Variants in ROBO2 observed in about 807,000 individuals in gnomAD.
ROBO2 encodes roundabout guidance receptor 2.
In ROBO2, 53 loss-of-function variants were observed where a neutral mutation model predicts 160.8. The observed-to-expected ratio is 0.33, with a 90% confidence interval of 0.26 to 0.41. The LOEUF (loss-of-function observed/expected upper bound fraction) is 0.41, where lower values mean the gene tolerates loss of function less well. ROBO2 is among the 10% of genes least tolerant of loss of function. The pLI is 1.00. For synonymous variants in ROBO2, 664 were observed against 611.7 expected, an observed-to-expected ratio of 1.09 and a Z score of -1.26; for missense variants, 1,577 against 1,722.4, an observed-to-expected ratio of 0.92 and a Z score of 1.49.
chr3:76,578,101 G>T (rs181180349), intron 2 of ROBO2, among the ~76,000 whole-genome samples: 1 of 152,212 alleles, frequency 6.6e-6, no homozygotes, highest in Admixed American at 6.5e-5. Context: ...ACCAGCTTGG[G>T]AACTTAGACA....
chr3:76,112,440 A>G (rs1162550139), intron 2 of ROBO2, among the ~76,000 whole-genome samples: 3 of 152,016 alleles, frequency 2.0e-5, no homozygotes, highest in Non-Finnish European at 4.4e-5. Context: ...CTATAACTGA[A>G]TAATATTATC....
chr3:76,064,739 G>A (rs1380477749), intron 2 of ROBO2, among the ~76,000 whole-genome samples: 1 of 152,020 alleles, frequency 6.6e-6, no homozygotes, highest in Non-Finnish European at 1.5e-5. Context: ...GCACAATAGA[G>A]CTAAGATATT....
intron 2 of ROBO2, among the ~76,000 whole-genome samples, chr3:76,322,163 C>CATATATATATATATAT (rs1559761091): frequency 1.0e-4 from 4 of 40,166 alleles, no homozygotes; most frequent in Admixed American, 3.4e-4. Context: ...CTACTTCTTC[C>CATATATATATATATAT]GTATATATAT....
intron 2 of ROBO2, among the ~76,000 whole-genome samples, chr3:76,102,095 A>T (rs1449716034): frequency 6.7e-6 from 1 of 150,330 alleles, no homozygotes; most frequent in Admixed American, 6.6e-5. Context: ...TCCTGTGTCC[A>T]TGTGTTCCCA....
At position 76,654,612 on chromosome 3, in the gene ROBO2, G is replaced by A. The variant is rs142674645; in HGVS notation, c.110-443402G>A. On this transcript the variant is annotated intron_variant, in intron 2 of 26. Transcript: ENST00000487694. ...CTGTGTACAAGGCACCATTCGGCATGCTGGGGTAATAGGGACTTTCAAGGG... is the reference window on the plus strand; with the variant it reads ...CTGTGTACAAGGCACCATTCGGCATACTGGGGTAATAGGGACTTTCAAGGG... Among the ~76,000 whole-genome samples, 519 of 152,160 alleles carry A rather than the reference G, an allele frequency of 3.4e-3. 2 individuals are homozygous for A. The highest frequency in any genetic ancestry group is 0.012 in the African/African-American group (489 of 41,504).
chr3:76,042,007 CAA>C lies in ROBO2; in HGVS notation c.109+104406_109+104407del, dbSNP rs2067289261. On this transcript the variant is annotated intron_variant, in intron 2 of 26. Coordinates refer to the ROBO2 transcript ENST00000487694. ...GTGAGAGAGAGAGGGAGAGCGAGAG[CAA>C]GAGAGAGAGAGAGAGGTTAAAAAAA... 4.8e-5 allele frequency among the ~76,000 whole-genome samples: 6 copies of C among 124,736 alleles called. No homozygotes were observed. In the South Asian group the frequency reaches 1.7e-3, roughly 36 times the overall value. The allele number at this position is 124,736 out of a possible 152,430, so 81.8% of individuals were successfully genotyped here.
At chr3:77,019,970 GA>G (rs2062523366) in intron 2 of ROBO2, among the ~76,000 whole-genome samples, 1 of 152,112 alleles carries the variant, frequency 6.6e-6, no homozygotes, top group South Asian at 2.1e-4. Context: ...ACCTGGTAGT[GA>G]GGTGCCAAAG....
intron 2 of ROBO2, among the ~76,000 whole-genome samples, chr3:76,062,414 G>T (rs553632137): frequency 2.4e-4 from 37 of 152,200 alleles, no homozygotes; most frequent in African/African-American, 8.9e-4. Context: ...AATTACAGGT[G>T]TAAGAGTCCC....
chr3:76,252,885 C>A (rs903351220), intron 2 of ROBO2, among the ~76,000 whole-genome samples: 2 of 151,654 alleles, frequency 1.3e-5, no homozygotes, highest in Non-Finnish European at 2.9e-5. Context: ...GGCCTACAGG[C>A]TGGAAACTCG....
At chr3:77,363,951 T>A (rs529873406) in intron 2 of ROBO2, among the ~76,000 whole-genome samples, 9 of 152,270 alleles carry the variant, frequency 5.9e-5, no homozygotes, top group African/African-American at 9.6e-5. Flanking sequence ...GGCTTCTAAT[T>A]TCCTTTAGTT....
chr3:76,063,112 C>G (rs923319734), intron 2 of ROBO2, among the ~76,000 whole-genome samples: 1 of 152,166 alleles, frequency 6.6e-6, no homozygotes, highest in Non-Finnish European at 1.5e-5. Context: ...TACTCAAATA[C>G]TTAACCTATG....
At chr3:76,135,445 T>G (rs913972653) in intron 2 of ROBO2, among the ~76,000 whole-genome samples, 2 of 152,080 alleles carry the variant, frequency 1.3e-5, no homozygotes, top group Non-Finnish European at 2.9e-5. Context: ...AGAACTTGTG[T>G]GCTACTTTTG....
chr3:75,964,489 G>A (rs1389447565), intron 2 of ROBO2, among the ~76,000 whole-genome samples: 1 of 151,376 alleles, frequency 6.6e-6, no homozygotes, highest in African/African-American at 2.4e-5. Flanking sequence ...ATACAATCCT[G>A]CACTTTATCT....
intron 2 of ROBO2, among the ~76,000 whole-genome samples, chr3:76,446,306 T>G (rs1318237282): frequency 2.6e-5 from 4 of 151,888 alleles, no homozygotes; most frequent in South Asian, 4.2e-4. Context: ...TCAAAGAGAA[T>G]AAAATACCTA....
chr3:76,840,531 AC>A (rs1350094703), intron 2 of ROBO2, among the ~76,000 whole-genome samples: 1 of 150,440 alleles, frequency 6.6e-6, no homozygotes, highest in African/African-American at 2.4e-5. Context: ...AATCGCTTGA[AC>A]CCAGAAGGTG....
In ROBO2 at chr3:76,199,894, T is replaced by C. The variant is rs144239630; in HGVS notation, c.109+262292T>C. Among the ~76,000 whole-genome samples the C allele has an allele frequency of 3.2e-3, 481 of 152,316 alleles. 2 individuals are homozygous for C. Among genetic ancestry groups the C allele is most frequent in the African/African-American group, 0.011 (464 of 41,580 alleles). The stretch of plus-strand genomic sequence containing the variant: ...AAGTTTCTTTACTCACTGGCCCACC[T>C]TTGAGCCTTAGCCAAATTCAAGTAA... On this transcript the variant is annotated intron_variant, in intron 2 of 26. Transcript: ENST00000487694.
At chr3:77,591,152 A>G (rs886623024) in intron 17 of ROBO2, among the ~76,000 whole-genome samples, 3 of 152,180 alleles carry the variant, frequency 2.0e-5, no homozygotes, top group African/African-American at 7.2e-5. Context: ...TGAAATATAC[A>G]TTATTAGACA....
chr3:77,265,485 A>G (rs2153345530), intron 2 of ROBO2, among the ~76,000 whole-genome samples: 1 of 152,268 alleles, frequency 6.6e-6, no homozygotes, highest in East Asian at 1.9e-4. Context: ...GATGATATAA[A>G]TATGAAAAAA....
chr3:77,396,331 A>C (rs1180732460), intron 2 of ROBO2, among the ~76,000 whole-genome samples: 3 of 152,116 alleles, frequency 2.0e-5, no homozygotes, highest in East Asian at 1.9e-4. Context: ...AAATAAATTT[A>C]TTTCTTTCTG....
Sources: allele counts gnomAD v4.1 joint callset (sites outside exome capture counted in the v4.1 genomes callset), GRCh38; gene constraint gnomAD v4.1.1; transcripts MANE v1.5; gene names NCBI Gene and HGNC (gene_info 2026-07-23, HGNC 2026-07-21).